EPHB1: variants seen among roughly 807,000 people sequenced by gnomAD.
The protein encoded by EPHB1 is EPH receptor B1.
EPHB1 carries 30 observed loss-of-function variants against 94.4 expected under a neutral mutation model. That is an observed-to-expected ratio of 0.32 (90% CI 0.24 to 0.43). The LOEUF (loss-of-function observed/expected upper bound fraction) is 0.43. EPHB1 is among the 20% of genes least tolerant of loss of function. The pLI is 1.00. For synonymous variants in EPHB1, 522 were observed against 489.1 expected (o/e 1.07, Z -0.89); for missense variants, 1,055 against 1,308.3 (o/e 0.81, Z 2.99).
chr3:135,177,426 G>A (rs1035894717), intron 9 of EPHB1, among the ~76,000 whole-genome samples: 1 of 152,126 alleles, frequency 6.6e-6, no homozygotes. Flanking sequence ...GCTTTCCCTG[G>A]CCCTGGAGCC....
At chr3:135,053,190 A>T (rs1365472118) in intron 3 of EPHB1, among the ~76,000 whole-genome samples, 4 of 40 alleles carry the variant, frequency 0.1, no homozygotes, top group Admixed American at 0.25. Flanking sequence ...TTAACATTTA[A>T]AAAAAAGTCT....
At chr3:135,025,266 T>A (rs1936120457) in intron 3 of EPHB1, among the ~76,000 whole-genome samples, 1 of 139,516 alleles carries the variant, frequency 7.2e-6, no homozygotes, top group Non-Finnish European at 1.6e-5. Flanking sequence ...ACTGTGCAGG[T>A]TAGTTACATA....
chr3:135,257,055 T>C (rs1197062431), intron 15 of EPHB1, among the ~76,000 whole-genome samples: 3 of 145,952 alleles, frequency 2.1e-5, no homozygotes, highest in East Asian at 3.9e-4. Flanking sequence ...CGAGCCTTGG[T>C]TTTCAGCTCC....
intron 3 of EPHB1, among the ~76,000 whole-genome samples, chr3:135,027,440 G>C (rs1460884451): frequency 7.4e-5 from 11 of 147,978 alleles, no homozygotes; most frequent in Non-Finnish European, 1.5e-4. Flanking sequence ...GTTGAATTTT[G>C]TCAAAGGCCT....
intron 3 of EPHB1, among the ~76,000 whole-genome samples, chr3:135,071,554 T>C (rs1293048993): frequency 6.6e-6 from 1 of 152,146 alleles, no homozygotes; most frequent in Non-Finnish European, 1.5e-5. Context: ...AAGTCTTACA[T>C]TGTGGGCCCT....
In EPHB1 at chr3:135,255,522, C is replaced by T. The variant is rs868760031; in HGVS notation, c.2847-3490C>T. On this transcript the variant is annotated intron_variant, in intron 15 of 15. Transcript: ENST00000398015. ...GTTGTTCAGTTTCCATGTAGTTGAG[C>T]GGTTTTGAGTGAGATTCTTAATCCT... 4.2e-4 allele frequency among the ~76,000 whole-genome samples: 62 copies of T among 145,992 alleles called. 1 individual carries two copies. Among genetic ancestry groups the T allele is most frequent in the African/African-American group, 1.1e-3 (45 of 39,378 alleles).
At chr3:135,199,004 A>G (rs1942693051) in intron 11 of EPHB1, among the ~76,000 whole-genome samples, 1 of 152,202 alleles carries the variant, frequency 6.6e-6, no homozygotes, top group Admixed American at 6.5e-5. Flanking sequence ...TTTATAATCT[A>G]AATTTTAAAA....
At chr3:134,796,051 A>G (rs2035819635) in intron 1 of EPHB1, 5 of 330,322 alleles carry the variant, frequency 1.5e-5, no homozygotes, top group Non-Finnish European at 2.2e-5. Context: ...TTGGGGAGAA[A>G]GGGGTGCCTC....
At chr3:134,820,778 C>T (rs2036365266) in intron 1 of EPHB1, among the ~76,000 whole-genome samples, 2 of 152,148 alleles carry the variant, frequency 1.3e-5, no homozygotes, top group Non-Finnish European at 2.9e-5. Context: ...ACGTTTGCAC[C>T]TGCTGTTCCC....
chr3:135,060,218 CACTTT>C (rs1937458545), intron 3 of EPHB1, among the ~76,000 whole-genome samples: 1 of 152,166 alleles, frequency 6.6e-6, no homozygotes, highest in African/African-American at 2.4e-5. Context: ...ACCATTGATC[CACTTT>C]CTGTCCTTAT....
intron 4 of EPHB1, among the ~76,000 whole-genome samples, chr3:135,113,315 A>G (rs1939540850): frequency 6.6e-6 from 1 of 152,188 alleles, no homozygotes; most frequent in East Asian, 1.9e-4. Flanking sequence ...TGTAATCTAC[A>G]ATTTCTTTTC....
intron 3 of EPHB1, among the ~76,000 whole-genome samples, chr3:135,042,443 T>C (rs758703383): frequency 1.3e-5 from 2 of 152,198 alleles, no homozygotes; most frequent in Non-Finnish European, 2.9e-5. Context: ...TTAGTGTAAG[T>C]ATGACCCACA....
At chr3:135,002,691 G>A (rs1055094109) in intron 3 of EPHB1, among the ~76,000 whole-genome samples, 6 of 152,164 alleles carry the variant, frequency 3.9e-5, no homozygotes, top group Non-Finnish European at 7.3e-5. Flanking sequence ...TCTTGGGAGA[G>A]TGTATGTGTG....
At chr3:134,985,151 G>T (rs1934551902) in intron 3 of EPHB1, among the ~76,000 whole-genome samples, 1 of 152,014 alleles carries the variant, frequency 6.6e-6, no homozygotes, top group South Asian at 2.1e-4. Flanking sequence ...TGGGACCTCT[G>T]GTGTGTTTTG....
At chr3:135,166,106 T>G in intron 8 of EPHB1, 30 bp downstream of exon 8, 1 of 1,567,604 alleles carries the variant, frequency 6.4e-7, no homozygotes, top group Non-Finnish European at 8.8e-7. Flanking sequence ...TTGCTCTCCT[T>G]GGACCCAGGA....
intron 10 of EPHB1, among the ~76,000 whole-genome samples, chr3:135,191,039 G>A (rs1191301690): frequency 2.6e-5 from 4 of 151,560 alleles, no homozygotes; most frequent in African/African-American, 7.3e-5. Context: ...CCAGGAGCTC[G>A]AGTATAGCAT....
intron 3 of EPHB1, among the ~76,000 whole-genome samples, chr3:135,071,078 C>G (rs1226600226): frequency 1.3e-5 from 2 of 152,160 alleles, no homozygotes; most frequent in Non-Finnish European, 2.9e-5. Flanking sequence ...AATACTGTCC[C>G]CCTCAAGGAC....
intron 3 of EPHB1, among the ~76,000 whole-genome samples, chr3:134,986,782 G>A (rs1934617237): frequency 6.6e-6 from 1 of 151,070 alleles, no homozygotes. Flanking sequence ...TCCATCACTG[G>A]TGCATCATTC....
intron 2 of EPHB1, among the ~76,000 whole-genome samples, chr3:134,947,873 C>T (rs2039242545): frequency 6.6e-6 from 1 of 152,210 alleles, no homozygotes; most frequent in Non-Finnish European, 1.5e-5. Flanking sequence ...TGGCTTACTG[C>T]AGCCCCTCCT....
Sources: gnomAD v4.1 joint callset for allele counts (sites outside exome capture counted in the v4.1 genomes callset) on GRCh38, gnomAD v4.1.1 for gene constraint, MANE v1.5 for transcripts, NCBI Gene and HGNC (gene_info 2026-07-23, HGNC 2026-07-21) for gene names.